Variants in CNTN6 observed in about 807,000 individuals in gnomAD.
The protein encoded by CNTN6 is contactin 6.
CNTN6 carries 137 observed loss-of-function variants against 122.8 expected under a neutral mutation model. The observed-to-expected ratio is 1.12, with a 90% CI of 0.97 to 1.29. The LOEUF (loss-of-function observed/expected upper bound fraction) is 1.29, where lower values mean the gene tolerates loss of function less well. Among genes scored for constraint, CNTN6 ranks in the 50% most tolerant of loss-of-function variants. The pLI is 0.00. For missense variants in CNTN6, 1,634 were observed against 1,223.4 expected, an observed-to-expected ratio of 1.34 and a Z score of -5.01; for synonymous variants, 570 against 426.0, an observed-to-expected ratio of 1.34 and a Z score of -4.16.
intron 4 of CNTN6, among the ~76,000 whole-genome samples, chr3:1,233,501 C>T (rs1042119195): frequency 2.0e-5 from 3 of 151,870 alleles, no homozygotes; most frequent in African/African-American, 7.3e-5. Flanking sequence ...TTTGGGAGGC[C>T]GAGGCGGGCG....
chr3:1,124,216 C>T (rs1261493705), intron 1 of CNTN6, among the ~76,000 whole-genome samples: 4 of 151,920 alleles, frequency 2.6e-5, no homozygotes, highest in South Asian at 2.1e-4. Flanking sequence ...GAGAGGAAAG[C>T]GTTCCTTTGT....
intron 2 of CNTN6, among the ~76,000 whole-genome samples, chr3:1,186,439 G>GA (rs560476173): frequency 0.075 from 10,980 of 147,032 alleles, 490 homozygotes; most frequent in Middle Eastern, 0.12. Context: ...AAACTTTCAG[G>GA]AAAAAAAAAA....
intron 12 of CNTN6, among the ~76,000 whole-genome samples, chr3:1,362,935 A>G (rs1707683702): frequency 6.6e-6 from 1 of 151,922 alleles, no homozygotes; most frequent in African/African-American, 2.4e-5. Context: ...AGCAGTTGAT[A>G]TAACAAAGAA....
rs772340023 is a variant in CNTN6 at position 1,295,666 on chromosome 3, G to T, written c.520G>T (p.Val174Leu). 2.5e-6 allele frequency: 4 copies of T among 1,613,996 alleles called. No homozygotes were observed. The highest frequency in any genetic ancestry group is 3.4e-6 in the Non-Finnish European group (4 of 1,179,926). Residue 174 changes from valine (V) to leucine (L), a missense_variant, in exon 6 of 23, where the codon GTA (valine) becomes TTA (leucine). Transcript: ENST00000446702. Reference protein sequence around the residue: ...LYVQEDNRRFVSQETGNLYIA... With the variant: ...LYVQEDNRRFLSQETGNLYIA... ...CGTCCAAGAGGACAATAGGCGATTT[G>T]TATCTCAAGAGACGGGAAACTTGTA... is the stretch of plus-strand genomic sequence containing the variant.
intron 3 of CNTN6, among the ~76,000 whole-genome samples, chr3:1,224,891 G>C (rs1182709447): frequency 6.6e-6 from 1 of 152,030 alleles, no homozygotes; most frequent in Non-Finnish European, 1.5e-5. Flanking sequence ...GATTACAGGC[G>C]TGTGCCACTA....
intron 22 of CNTN6, 170 bp downstream of exon 22, chr3:1,402,656 T>C (rs112416858): frequency 4.9e-4 from 261 of 535,324 alleles, no homozygotes; most frequent in African/African-American, 4.3e-3. Flanking sequence ...TCCAAAATTA[T>C]AACATACACT....
intron 11 of CNTN6, among the ~76,000 whole-genome samples, chr3:1,345,286 T>C (rs551158445): frequency 1.3e-5 from 2 of 152,042 alleles, no homozygotes; most frequent in Non-Finnish European, 2.9e-5. Context: ...CCGCTAATTT[T>C]TGTATTTTCA....
intron 10 of CNTN6, among the ~76,000 whole-genome samples, chr3:1,327,857 A>G (rs1701758354): frequency 6.6e-6 from 1 of 151,894 alleles, no homozygotes; most frequent in East Asian, 1.9e-4. Flanking sequence ...ATTTTTGAGT[A>G]TAACTCAAAG....
chr3:1,390,732 C>T, intron 20 of CNTN6, among the ~76,000 whole-genome samples: 1 of 151,930 alleles, frequency 6.6e-6, no homozygotes, highest in Admixed American at 6.5e-5. Context: ...ATATCACCAC[C>T]AATCCCACAG....
At chr3:1,388,248 C>T (rs1197319898) in intron 20 of CNTN6, among the ~76,000 whole-genome samples, 4 of 148,878 alleles carry the variant, frequency 2.7e-5, no homozygotes, top group Non-Finnish European at 4.5e-5. Context: ...AAGTGGGTCC[C>T]TGACCCCTGA....
intron 11 of CNTN6, among the ~76,000 whole-genome samples, chr3:1,347,361 TATTTA>T (rs577455147): frequency 3.3e-5 from 5 of 152,330 alleles, no homozygotes; most frequent in South Asian, 2.1e-4. Context: ...AAAATTTTTC[TATTTA>T]ATTGTGTGAA....
At chr3:1,384,494 A>G (rs1692445544) in intron 19 of CNTN6, among the ~76,000 whole-genome samples, 1 of 152,012 alleles carries the variant, frequency 6.6e-6, no homozygotes, top group South Asian at 2.1e-4. Context: ...GGCAAATTAC[A>G]TTTGTAGGCC....
chr3:1,131,846 G>A (rs1245880396), intron 1 of CNTN6, among the ~76,000 whole-genome samples: 2 of 151,948 alleles, frequency 1.3e-5, no homozygotes, highest in African/African-American at 4.8e-5. Context: ...GAGTGCCTGC[G>A]GGATGGAAAG....
In CNTN6 at chr3:1,102,606, T is replaced by C. The variant is rs769135900; in HGVS notation, c.-83+9486T>C. Among the ~76,000 whole-genome samples the C allele has an allele frequency of 2.0e-4, 29 of 148,550 alleles. 1 individual carries two copies. Among genetic ancestry groups the C allele is most frequent in the East Asian group, 5.9e-4 (3 of 5,084 alleles). On this transcript the variant is annotated intron_variant, in intron 1 of 22. Transcript: ENST00000446702. ...GAGCCGGGCGTGGTGGCGGCGCCTG[T>C]AGTCCCAGCTACTCGGGAGGCTGAG...
chr3:1,348,653 A>T (rs917841777), intron 11 of CNTN6, among the ~76,000 whole-genome samples: 37 of 152,082 alleles, frequency 2.4e-4, no homozygotes, highest in African/African-American at 8.9e-4. Flanking sequence ...CTCTGCTATT[A>T]GTAAACTATA....
chr3:1,121,485 CAA>C (rs2125061867), intron 1 of CNTN6, among the ~76,000 whole-genome samples: 1 of 151,906 alleles, frequency 6.6e-6, no homozygotes, highest in South Asian at 2.1e-4. Flanking sequence ...CACATTAAAA[CAA>C]GAGCTACAAT....
chr3:1,335,409 A>G (rs1702909779), intron 11 of CNTN6, among the ~76,000 whole-genome samples: 1 of 152,190 alleles, frequency 6.6e-6, no homozygotes, highest in African/African-American at 2.4e-5. Context: ...TGAGGGAATC[A>G]ATTCCACATC....
rs939895524 is a variant in CNTN6, at chr3:1,232,630, C to A, written c.358+4637C>A. On this transcript the variant is annotated intron_variant, in intron 4 of 22. Coordinates refer to ENST00000446702, the MANE Select transcript of CNTN6 (RefSeq NM_001289080.2). ...ATTGAGGCACAGAAGAATGAACTAG[C>A]CTGCCTAAAATCACACACCGTATGT... 7.9e-5 allele frequency among the ~76,000 whole-genome samples: 12 copies of A among 152,148 alleles called. 1 individual carries two copies.
chr3:1,217,718 TCTGGTGCCTG>T (rs2094147498), intron 2 of CNTN6, among the ~76,000 whole-genome samples: 1 of 152,184 alleles, frequency 6.6e-6, no homozygotes, highest in African/African-American at 2.4e-5. Context: ...CTCAGATTCC[TCTGGTGCCTG>T]CTGGTGCCTT....
Sources: allele counts gnomAD v4.1 joint callset (sites outside exome capture counted in the v4.1 genomes callset), GRCh38; gene constraint gnomAD v4.1.1; transcripts MANE v1.5; gene names NCBI Gene and HGNC (gene_info 2026-07-23, HGNC 2026-07-21).